Variants in B3GALT5 observed in about 807,000 individuals in gnomAD.
The protein encoded by B3GALT5 is beta-1,3-galactosyltransferase 5, also known as UDP-Gal:betaGlcNAc beta 1,3-galactosyltransferase, polypeptide 5.
For synonymous variants in B3GALT5, 156 were observed against 158.6 expected, an observed-to-expected ratio of 0.98 and a Z score of 0.12; for missense variants, 328 against 396.6, an observed-to-expected ratio of 0.83 and a Z score of 1.47.
Position 39,660,736 on chromosome 21 carries a change from C to A in B3GALT5, c.177C>A (p.Leu59=). 6.5e-7 allele frequency: 1 copy of A among 1,546,502 alleles called. No individual in the cohort carries two copies. Residue 59 remains leucine (L), a synonymous_variant, in exon 4 of 4, where the codon CTC becomes CTA. Coordinates refer to ENST00000684187, the MANE Select transcript of B3GALT5 (RefSeq NM_001356336.2). Reference sequence around the variant, plus strand: ...ACTGCAGGCAGACACCTCCCTTCCTCGTCCTGCTGGTGACCTCATCCCACA... The same window carrying A: ...ACTGCAGGCAGACACCTCCCTTCCTAGTCCTGCTGGTGACCTCATCCCACA... ...DTDCRQTPPF[L]VLLVTSSHKQ...
chr21:39,661,014 T>A lies in B3GALT5; in HGVS notation c.455T>A (p.Val152Glu). The stretch of plus-strand genomic sequence containing the variant: ...CGCTTTTGTCCTCAGGCGGCGTTTG[T>A]GATGAAAACAGACTCAGACATGTTC... ...VHRFCPQAAF[V>E]MKTDSDMFIN... is the part of the protein sequence containing the mutation. The change falls in exon 4 of 4, where the codon GTG becomes GAG. Residue 152 changes from valine to glutamate, a missense_variant. Val to Glu is a moderately radical substitution (Grantham distance 121). Transcript: ENST00000684187. The surrounding 1 kb of genome is among the most constrained non-coding windows in gnomAD (Gnocchi z 4.7). The A allele has an allele frequency of 1.2e-6, 2 of 1,613,608 alleles. No individual in the cohort carries two copies. Among genetic ancestry groups the A allele is most frequent in the Middle Eastern group, 1.7e-4 (1 of 6,058 alleles).
Position 39,661,327 on chromosome 21 carries a change from A to C in B3GALT5, c.768A>C (p.Arg256Ser). 6.2e-7 allele frequency: 1 copy of C among 1,613,962 alleles called. No homozygotes were observed. The highest frequency in any genetic ancestry group is 8.5e-7 in the Non-Finnish European group (1 of 1,179,964). Residue 256 changes from arginine (R) to serine (S), a missense_variant, in exon 4 of 4, where the codon AGA becomes AGC. Physicochemically the swap from Arg to Ser is moderately radical, Grantham distance 110. Coordinates refer to ENST00000684187, the MANE Select transcript of B3GALT5 (RefSeq NM_001356336.2). The surrounding 1 kb of genome is among the most constrained non-coding windows in gnomAD (Gnocchi z 4.7). The part of the protein sequence containing the change: ...VGLCLERLNI[R>S]LEELHSQPTF... ...TCTGCCTCGAAAGGCTGAACATCAG[A>C]TTGGAGGAGCTCCACTCCCAGCCGA...
At chr21:39,639,325 TC>T (rs2079257649) in intron 1 of B3GALT5, among the ~76,000 whole-genome samples, 1 of 115,202 alleles carries the variant, frequency 8.7e-6, no homozygotes, top group Non-Finnish European at 1.8e-5. Flanking sequence ...TTTCTTTCTT[TC>T]TTTCTTTCTT....
intron 2 of B3GALT5, among the ~76,000 whole-genome samples, chr21:39,653,274 T>TA (rs2079412440): frequency 6.6e-6 from 1 of 152,276 alleles, no homozygotes; most frequent in African/African-American, 2.4e-5. Flanking sequence ...TTGTAGTTTT[T>TA]ATGGCTGTGT....
chr21:39,642,901 A>G (rs1190931638), intron 1 of B3GALT5, among the ~76,000 whole-genome samples: 1 of 151,034 alleles, frequency 6.6e-6, no homozygotes, highest in East Asian at 1.9e-4. Flanking sequence ...AGAAAAGAAA[A>G]GAAAGCTGGG....
At chr21:39,649,381 C>T (rs1001964043) in intron 2 of B3GALT5, among the ~76,000 whole-genome samples, 8 of 152,184 alleles carry the variant, frequency 5.3e-5, no homozygotes, top group East Asian at 1.9e-4. Context: ...CAGGCCCTTC[C>T]GGATTCCCTG....
At chr21:39,657,804 C>T in intron 2 of B3GALT5, 1 of 1,183,762 alleles carries the variant, frequency 8.4e-7, no homozygotes, top group Non-Finnish European at 1.1e-6. Flanking sequence ...ACTAATACAC[C>T]TGGAGTGCAG....
At chr21:39,617,987 T>G (rs2079115493) in intron 1 of B3GALT5, among the ~76,000 whole-genome samples, 1 of 145,572 alleles carries the variant, frequency 6.9e-6, no homozygotes, top group South Asian at 2.2e-4. Flanking sequence ...AAAAAATAAA[T>G]AAATAAAAAA....
intron 2 of B3GALT5, among the ~76,000 whole-genome samples, chr21:39,649,709 A>C (rs1368602116): frequency 6.6e-6 from 1 of 152,116 alleles, no homozygotes; most frequent in Non-Finnish European, 1.5e-5. Context: ...GACCAGGGTG[A>C]CCAGACATCA....
intron 1 of B3GALT5, among the ~76,000 whole-genome samples, chr21:39,615,004 A>G (rs746175843): frequency 6.6e-6 from 1 of 152,154 alleles, no homozygotes; most frequent in Non-Finnish European, 1.5e-5. Flanking sequence ...CTCCCTGACT[A>G]TAACAGCCTT....
intron 2 of B3GALT5, among the ~76,000 whole-genome samples, chr21:39,650,063 C>A (rs1272834690): frequency 5.9e-5 from 9 of 152,084 alleles, no homozygotes; most frequent in Non-Finnish European, 7.4e-5. Context: ...GTCGTGGAAC[C>A]CCCAGCACCT....
intron 1 of B3GALT5, among the ~76,000 whole-genome samples, chr21:39,618,683 T>G (rs2079119549): frequency 6.6e-6 from 1 of 152,236 alleles, no homozygotes; most frequent in South Asian, 2.1e-4. Flanking sequence ...TTAGAAATTC[T>G]AGATCCTTAA....
intron 1 of B3GALT5, among the ~76,000 whole-genome samples, chr21:39,639,400 T>TTCTTTCTCTTTCTTTC (rs1339331444): frequency 7.0e-5 from 4 of 57,154 alleles, no homozygotes; most frequent in African/African-American, 3.0e-4. Flanking sequence ...CCTTCTTTCT[T>TTCTTTCTCTTTCTTTC]TTTCTTTCTT....
At chr21:39,651,908 T>C (rs2018202480) in intron 2 of B3GALT5, among the ~76,000 whole-genome samples, 1 of 152,232 alleles carries the variant, frequency 6.6e-6, no homozygotes. Flanking sequence ...CCTGTGATTC[T>C]GTATGTTTTG....
rs539190934 is a variant in B3GALT5, at chr21:39,613,691, C to T, written c.-392+624C>T. Among the ~76,000 whole-genome samples the T allele has an allele frequency of 6.9e-4, 105 of 152,238 alleles. 1 individual carries two copies. Among genetic ancestry groups the T allele is most frequent in the Admixed American group, 2.3e-3 (35 of 15,292 alleles). ...GTGTGTGTGAGTGCGTGTGTGTGTG[C>T]GCGCGTATGTGTGCGCATGTGCACG... On this transcript the variant is annotated intron_variant, in intron 1 of 3. Transcript: ENST00000684187.
rs1199818537 is a variant in B3GALT5 at position 39,673,033 on chromosome 21, C to T, written c.*11541C>T. 6.6e-6 allele frequency: 1 copy of T among 152,168 alleles called. No individual in the cohort carries two copies. Among genetic ancestry groups the T allele is most frequent in the African/African-American group, 2.4e-5 (1 of 41,446 alleles). The allele number at this position is 152,168 out of a possible 1,614,324, so 9.4% of individuals were successfully genotyped here. ...AGAAATCAAGTCTTGTGAATTGATA[C>T]GATTGTACTTCTAGAGTCTTTGATG... On this transcript the variant is annotated 3_prime_UTR_variant, in exon 4 of 4. Transcript: ENST00000684187. The surrounding 1 kb of genome is among the most constrained non-coding windows in gnomAD (Gnocchi z 5.2).
chr21:39,626,613 C>A (rs1470344593), intron 1 of B3GALT5, among the ~76,000 whole-genome samples: 3 of 151,098 alleles, frequency 2.0e-5, no homozygotes, highest in Non-Finnish European at 4.4e-5. Context: ...GTTTTTTTTT[C>A]TTTTTTTCAT....
chr21:39,656,449 G>A (rs1490814283), intron 2 of B3GALT5, among the ~76,000 whole-genome samples: 2 of 152,160 alleles, frequency 1.3e-5, no homozygotes, highest in African/African-American at 4.8e-5. Flanking sequence ...CAGATGCCAC[G>A]TCCTTCACGG....
intron 2 of B3GALT5, among the ~76,000 whole-genome samples, chr21:39,651,755 C>T (rs1053842616): frequency 6.4e-5 from 9 of 141,050 alleles, no homozygotes; most frequent in African/African-American, 2.1e-4. Context: ...GAAGCTAGTC[C>T]TGCCTGCAAA....
Sources: gnomAD v4.1 joint callset for allele counts (sites outside exome capture counted in the v4.1 genomes callset) on GRCh38, gnomAD v4.1.1 for gene constraint, Gnocchi (gnomAD v3.1) non-coding constraint, MANE v1.5 for transcripts, NCBI Gene and HGNC (gene_info 2026-07-23, HGNC 2026-07-21) for gene names.